MALSU1: variants seen among roughly 807,000 people sequenced by gnomAD.
MALSU1 encodes mitochondrial assembly of ribosomal large subunit protein 1.
In MALSU1, 22 loss-of-function variants were observed where a neutral mutation model predicts 22.1. The observed-to-expected ratio is 1.00, with a 90% CI of 0.71 to 1.42. MALSU1 has a LOEUF of 1.42. Among genes scored for constraint, MALSU1 ranks in the 40% most tolerant of loss-of-function variants. MALSU1 has a pLI of 0.00. For missense variants in MALSU1, 379 were observed against 308.3 expected, an observed-to-expected ratio of 1.23 and a Z score of -1.72; for synonymous variants, 153 against 118.5, an observed-to-expected ratio of 1.29 and a Z score of -1.89.
At position 23,310,056 on chromosome 7, in the gene MALSU1, A is replaced by G. The variant is rs1783788798; in HGVS notation, c.*513A>G. ...TGTTAGGAAAAACTCTGAACGCTCT[A>G]GTTCTTAGTTCATATGCAAGAGTAT... On this transcript the variant is annotated 3_prime_UTR_variant, in exon 4 of 4. Transcript: ENST00000466681. 1 of 152,238 alleles carries G rather than the reference A, an allele frequency of 6.6e-6. No individual in the cohort carries two copies. The highest frequency in any genetic ancestry group is 2.1e-4 in the South Asian group (1 of 4,830). The allele number at this position is 152,238 out of a possible 1,614,324, so 9.4% of individuals were successfully genotyped here.
At chr7:23,304,806 G>A (rs188348234) in intron 2 of MALSU1, among the ~76,000 whole-genome samples, 1 of 152,256 alleles carries the variant, frequency 6.6e-6, no homozygotes, top group Non-Finnish European at 1.5e-5. Context: ...TTGAGTTGTA[G>A]GAGCTCTCTA....
chr7:23,309,441 CCA>C lies in MALSU1; in HGVS notation c.604_605del (p.Gln202ValfsTer7). On this transcript the variant is annotated frameshift_variant, in exon 4 of 4. Transcript: ENST00000466681. LOFTEE classifies it high-confidence loss of function. The stretch of plus-strand genomic sequence containing the variant: ...TATGGACCCTACGTTCTTATGATGA[CCA>C]GTTAGCTCAGATAGCACCTGAGACA... Reference protein sequence around the residue: ...KLWTLRSYDDQLAQIAPETVP... With the variant: ...KLWTLRSYDDXLAQIAPETVP... 4 of 1,613,572 alleles carry C rather than the reference CCA, an allele frequency of 2.5e-6. No homozygotes were observed. Among genetic ancestry groups the C allele is most frequent in the Non-Finnish European group, 3.4e-6 (4 of 1,179,710 alleles).
intron 2 of MALSU1, among the ~76,000 whole-genome samples, chr7:23,302,784 C>CT (rs895557544): frequency 9.9e-5 from 15 of 151,878 alleles, no homozygotes; most frequent in African/African-American, 2.2e-4. Flanking sequence ...ACCGTTTAAT[C>CT]TTTTTTTTGG....
chr7:23,311,356 G>A lies in MALSU1; in HGVS notation c.*1813G>A, dbSNP rs536049161. On this transcript the variant is annotated 3_prime_UTR_variant, in exon 4 of 4. Transcript: ENST00000466681. ...CTCTTCACTGATGCACTTTCTTTAG[G>A]TATTGATAGTCAGAAGCACAAAGCA... The A allele has an allele frequency of 6.6e-6, 1 of 152,562 alleles. No individual in the cohort carries two copies. Among genetic ancestry groups the A allele is most frequent in the East Asian group, 1.9e-4 (1 of 5,186 alleles). 9.5% of individuals were successfully genotyped at this position (152,562 alleles called of 1,614,324 possible).
chr7:23,300,813 T>C (rs991976044), intron 1 of MALSU1, 26 bp from the exon 2 acceptor site: 2 of 1,602,022 alleles, frequency 1.2e-6, no homozygotes, highest in Non-Finnish European at 1.7e-6. Flanking sequence ...GCCATCCTGA[T>C]ACAAACAACT....
intron 2 of MALSU1, among the ~76,000 whole-genome samples, chr7:23,304,979 A>G (rs1783705772): frequency 6.6e-6 from 1 of 152,144 alleles, no homozygotes; most frequent in Non-Finnish European, 1.5e-5. Flanking sequence ...TGTCTTTGGT[A>G]TTATATCTAA....
At position 23,309,523 on chromosome 7, in the gene MALSU1, G is replaced by T; in HGVS notation, c.685G>T (p.Val229Leu). ...IEDDTSSVTP[V>L]ELKCE ...AGATGATACTTCATCTGTGACTCCA[G>T]TGGAGTTAAAATGTGAATAAAATAT... The change falls in exon 4 of 4, where the codon GTG becomes TTG. Residue 229 changes from valine to leucine, a missense_variant. By Grantham distance (32) the Val-to-Leu change is conservative. Coordinates refer to ENST00000466681, the MANE Select transcript of MALSU1 (RefSeq NM_138446.2). 9 of 1,602,672 alleles carry T rather than the reference G, an allele frequency of 5.6e-6. No homozygotes were observed. The East Asian group carries it at 1.8e-4, about 32-fold the overall frequency.
chr7:23,300,845 C>T lies in MALSU1; in HGVS notation c.263C>T (p.Thr88Ile), dbSNP rs1247844513. ...GRPESDAADH[T>I]GPKFDIDMMV... is the part of the protein sequence containing the mutation. Reference sequence around the variant, plus strand: ...AACTATTTGTGCATTTCAGATCATACTGGTCCCAAGTTTGACATCGATATG... The same window carrying T: ...AACTATTTGTGCATTTCAGATCATATTGGTCCCAAGTTTGACATCGATATG... The change falls in exon 2 of 4, where the codon ACT becomes ATT. Residue 88 changes from threonine to isoleucine, a missense_variant. Physicochemically the swap from Thr to Ile is moderately conservative, Grantham distance 89. Transcript: ENST00000466681. The T allele has an allele frequency of 1.9e-6, 3 of 1,613,168 alleles. No homozygotes were observed. Among genetic ancestry groups the T allele is most frequent in the East Asian group, 2.2e-5 (1 of 44,868 alleles).
intron 2 of MALSU1, chr7:23,307,586 C>A: frequency 3.2e-6 from 1 of 313,372 alleles, no homozygotes; most frequent in Non-Finnish European, 5.9e-6. Context: ...CAAATGCTGA[C>A]TGAGCTTAGC....
intron 3 of MALSU1, among the ~76,000 whole-genome samples, chr7:23,308,408 T>C (rs1783752855): frequency 6.6e-6 from 1 of 152,204 alleles, no homozygotes; most frequent in African/African-American, 2.4e-5. Flanking sequence ...TATTAATGTG[T>C]ACATAGTTTC....
intron 3 of MALSU1, 81 bp from the exon 4 acceptor site, chr7:23,309,275 A>G (rs1389962766): frequency 7.8e-7 from 1 of 1,277,572 alleles, no homozygotes; most frequent in Non-Finnish European, 1.1e-6. Flanking sequence ...TTATTCCTAG[A>G]GTTAGCCAGT....
intron 2 of MALSU1, among the ~76,000 whole-genome samples, chr7:23,306,904 A>G (rs1240850193): frequency 6.6e-6 from 1 of 152,144 alleles, no homozygotes; most frequent in Non-Finnish European, 1.5e-5. Flanking sequence ...TGAGTTAGGA[A>G]GTGTTCCCTG....
At chr7:23,299,684 G>T (rs1562654978) in intron 1 of MALSU1, 76 bp downstream of exon 1, 2 of 1,469,662 alleles carry the variant, frequency 1.4e-6, no homozygotes, top group East Asian at 5.0e-5. Flanking sequence ...GTGGCTCTGG[G>T]TTCCCCTCTA....
chr7:23,301,484 C>T (rs1783647473), intron 2 of MALSU1, among the ~76,000 whole-genome samples: 1 of 152,106 alleles, frequency 6.6e-6, no homozygotes, highest in Admixed American at 6.5e-5. Context: ...GTCTCAAACT[C>T]CTGACCTCAG....
intron 3 of MALSU1, among the ~76,000 whole-genome samples, chr7:23,308,606 C>T (rs1015945071): frequency 4.6e-5 from 7 of 152,110 alleles, no homozygotes; most frequent in African/African-American, 1.7e-4. Flanking sequence ...ACAGCAGTAG[C>T]CAGCATCCAT....
chr7:23,306,306 T>TA (rs1337683555), intron 2 of MALSU1, among the ~76,000 whole-genome samples: 1 of 152,250 alleles, frequency 6.6e-6, no homozygotes, highest in Non-Finnish European at 1.5e-5. Context: ...GATGGATTTT[T>TA]GTGTGCTGAA....
rs1265849838 is a variant in MALSU1, at chr7:23,311,645, AG to A, written c.*2103del. On this transcript the variant is annotated 3_prime_UTR_variant, in exon 4 of 4. Coordinates refer to ENST00000466681, the MANE Select transcript of MALSU1 (RefSeq NM_138446.2). ...TTTTCCAGCTTTACTGTCACCAGCC[AG>A]AAGTAAAAATCTTAATTTGCCTGTT... The A allele has an allele frequency of 6.6e-6, 1 of 152,536 alleles. No homozygotes were observed. The highest frequency in any genetic ancestry group is 1.9e-4 in the East Asian group (1 of 5,206). 9.4% of individuals were successfully genotyped at this position (152,536 alleles called of 1,614,324 possible). A position where few individuals can be genotyped will look rare whatever the true frequency, so the allele number is the denominator to read the frequency against.
rs753434825 is a variant in MALSU1, at chr7:23,299,341, A to T, written c.-12A>T. The stretch of plus-strand genomic sequence containing the variant: ...TACCACCCACCCGCGACGCCGACGC[A>T]AGGCTGCTGCTATGGGGCCGGGCGG... On this transcript the variant is annotated 5_prime_UTR_variant, in exon 1 of 4. Coordinates refer to ENST00000466681, the MANE Select transcript of MALSU1 (RefSeq NM_138446.2). The T allele has an allele frequency of 6.5e-7, 1 of 1,548,164 alleles. No individual in the cohort carries two copies. Among genetic ancestry groups the T allele is most frequent in the Admixed American group, 1.9e-5 (1 of 53,246 alleles).
chr7:23,310,365 C>T lies in MALSU1; in HGVS notation c.*822C>T, dbSNP rs1042444147. 7 of 152,136 alleles carry T rather than the reference C, an allele frequency of 4.6e-5. No individual in the cohort carries two copies. The highest frequency in any genetic ancestry group is 1.7e-4 in the African/African-American group (7 of 41,432). 9.4% of individuals were successfully genotyped at this position (152,136 alleles called of 1,614,324 possible). A position where few individuals can be genotyped will look rare whatever the true frequency, so the allele number is the denominator to read the frequency against. On this transcript the variant is annotated 3_prime_UTR_variant, in exon 4 of 4. Transcript: ENST00000466681. Reference sequence around the variant, plus strand: ...AGCTAGTACCAGATACTCCAAATTACAAATGCTTAAGTAAAAGTAAAATAT... The same window carrying T: ...AGCTAGTACCAGATACTCCAAATTATAAATGCTTAAGTAAAAGTAAAATAT...
Sources: allele counts gnomAD v4.1 joint callset (sites outside exome capture counted in the v4.1 genomes callset), GRCh38; gene constraint gnomAD v4.1.1; transcripts MANE v1.5; gene names NCBI Gene and HGNC (gene_info 2026-07-23, HGNC 2026-07-21).